The following DYRK4 variants were observed in gnomAD, a reference collection of about 807,000 sequenced individuals.
DYRK4 encodes the protein dual specificity tyrosine-phosphorylation-regulated kinase 4.
A neutral mutation model predicts 68.3 loss-of-function variants in DYRK4; 64 were observed. The observed-to-expected ratio is 0.94, with a 90% CI of 0.77 to 1.15. DYRK4 has a LOEUF of 1.15. Among genes scored for constraint, DYRK4 ranks in the 50% most tolerant of loss-of-function variants. The pLI, the probability that DYRK4 is intolerant of heterozygous loss-of-function variation, is 0.00. For missense variants in DYRK4, 740 were observed against 764.7 expected, an observed-to-expected ratio of 0.97 and a Z score of 0.38; for synonymous variants, 274 against 289.9, an observed-to-expected ratio of 0.95 and a Z score of 0.56.
intron 2 of DYRK4, among the ~76,000 whole-genome samples, chr12:4,583,964 G>C (rs1944869046): frequency 6.6e-6 from 1 of 152,246 alleles, no homozygotes; most frequent in Non-Finnish European, 1.5e-5. Flanking sequence ...GACCCAGCCA[G>C]TGGGACTGGT....
At chr12:4,604,851 G>GA (rs1945122355) in intron 10 of DYRK4, 63 bp from the exon 11 acceptor site, 1 of 1,492,268 alleles carries the variant, frequency 6.7e-7, no homozygotes, top group East Asian at 2.5e-5. Flanking sequence ...GTTGTCCTGG[G>GA]GGAGAGCGTT....
chr12:4,608,311 T>C (rs1016448018), intron 12 of DYRK4, among the ~76,000 whole-genome samples: 4 of 152,178 alleles, frequency 2.6e-5, no homozygotes, highest in Non-Finnish European at 4.4e-5. Context: ...GGTCGGTTCA[T>C]GGACTCCCTC....
At chr12:4,582,203 G>A (rs1235524133) in intron 2 of DYRK4, among the ~76,000 whole-genome samples, 1 of 152,194 alleles carries the variant, frequency 6.6e-6, no homozygotes, top group South Asian at 2.1e-4. Flanking sequence ...CAGCACTCTG[G>A]GAGGCTGAGG....
intron 1 of DYRK4, 150 bp from the exon 2 acceptor site, chr12:4,567,805 G>A (rs991845034): frequency 1.5e-6 from 1 of 646,444 alleles, no homozygotes; most frequent in Non-Finnish European, 2.6e-6. Flanking sequence ...CAGAAGGGAA[G>A]CAAGGGAGAA....
At chr12:4,567,909 G>T in intron 1 of DYRK4, 46 bp from the exon 2 acceptor site, 1 of 1,489,500 alleles carries the variant, frequency 6.7e-7, no homozygotes, top group Admixed American at 2.0e-5. Context: ...CCATTACTTA[G>T]ATTTGACTCC....
chr12:4,608,471 T>C (rs1052437571), intron 12 of DYRK4, among the ~76,000 whole-genome samples: 1 of 152,104 alleles, frequency 6.6e-6, no homozygotes, highest in African/African-American at 2.4e-5. Context: ...GGAGATCCTT[T>C]AGGATAAAAG....
intron 8 of DYRK4, among the ~76,000 whole-genome samples, chr12:4,598,130 A>T (rs1377630874): frequency 6.6e-6 from 1 of 152,006 alleles, no homozygotes; most frequent in East Asian, 1.9e-4. Flanking sequence ...TAATCTCAGC[A>T]TTTTCGGAGG....
chr12:4,599,199 C>T, intron 9 of DYRK4, 33 bp downstream of exon 9: 4 of 1,607,394 alleles, frequency 2.5e-6, no homozygotes, highest in Non-Finnish European at 3.4e-6. Context: ...CATGGACACA[C>T]TCTGGAAATA....
intron 1 of DYRK4, 128 bp downstream of exon 1, chr12:4,562,411 G>C: frequency 8.2e-7 from 1 of 1,218,066 alleles, no homozygotes; most frequent in South Asian, 1.6e-5. Context: ...GCTGACCGGG[G>C]AATGTGGGTC....
intron 2 of DYRK4, among the ~76,000 whole-genome samples, chr12:4,583,650 C>G (rs1944866117): frequency 6.6e-6 from 1 of 152,108 alleles, no homozygotes; most frequent in South Asian, 2.1e-4. Context: ...CTGCCTCGGC[C>G]TCCCAAAGTG....
rs1241360575 is a variant in DYRK4, at chr12:4,568,037, A to G, written c.121A>G (p.Thr41Ala). The G allele has an allele frequency of 1.3e-6, 2 of 1,535,966 alleles. No homozygotes were observed. The highest frequency in any genetic ancestry group is 1.7e-6 in the Non-Finnish European group (2 of 1,146,882). The change falls in exon 2 of 15, where the codon ACC becomes GCC. Residue 41 changes from threonine (T) to alanine (A), a missense_variant. This residue lies in a region of DYRK4 where 70 missense variants were observed against 71.1 expected (regional missense o/e 0.98). Coordinates refer to ENST00000543431, the MANE Select transcript of DYRK4 (RefSeq NM_001394779.1). ...VLKARKKQKF[T>A]SAKVGSKLSV... is the part of the protein sequence containing the mutation. ...GAAAGCAAGAAAGAAACAAAAGTTC[A>G]CCTCTGCGAAGGTAAAGATCCTTGA...
At chr12:4,607,592 A>G (rs1945168275) in intron 12 of DYRK4, among the ~76,000 whole-genome samples, 1 of 152,192 alleles carries the variant, frequency 6.6e-6, no homozygotes, top group Admixed American at 6.5e-5. Flanking sequence ...CAGGGTCTTG[A>G]CAGTAAAAAT....
At chr12:4,590,899 C>T (rs1181377913) in intron 4 of DYRK4, 5 of 481,196 alleles carry the variant, frequency 1.0e-5, no homozygotes, top group Non-Finnish European at 1.8e-5. Context: ...GTTCCCATCT[C>T]TTCCCATAGT....
At chr12:4,611,986 G>A (rs1857013825) in intron 13 of DYRK4, among the ~76,000 whole-genome samples, 1 of 152,158 alleles carries the variant, frequency 6.6e-6, no homozygotes, top group Admixed American at 6.5e-5. Context: ...AGTTTTTTCA[G>A]AATTGGAATA....
intron 12 of DYRK4, among the ~76,000 whole-genome samples, chr12:4,609,452 TC>T (rs974956207): frequency 6.6e-6 from 1 of 152,234 alleles, no homozygotes; most frequent in African/African-American, 2.4e-5. Flanking sequence ...TCTTGACTGT[TC>T]CTTTCCCAGG....
chr12:4,590,997 G>T, intron 4 of DYRK4, 163 bp from the exon 5 acceptor site: 3 of 789,924 alleles, frequency 3.8e-6, no homozygotes, highest in Non-Finnish European at 5.9e-6. Flanking sequence ...CTTCCTTTGG[G>T]AGAGAGGTAG....
chr12:4,600,954 G>C (rs1054131219), intron 10 of DYRK4, among the ~76,000 whole-genome samples: 1 of 152,084 alleles, frequency 6.6e-6, no homozygotes, highest in Non-Finnish European at 1.5e-5. Flanking sequence ...AGCCCACCAA[G>C]AGTCATCTCA....
intron 6 of DYRK4, 83 bp from the exon 7 acceptor site, chr12:4,596,066 G>A (rs1192738890): frequency 2.0e-6 from 3 of 1,468,276 alleles, no homozygotes; most frequent in Non-Finnish European, 2.8e-6. Flanking sequence ...GCCATAATCT[G>A]GGGATGGGAA....
chr12:4,562,299 GCTCGTACTT>G lies in DYRK4; in HGVS notation c.38+18_38+26del. On this transcript the variant is annotated intron_variant, in intron 1 of 14. Transcript: ENST00000543431. ...CCGGAACAAAGTAAGGGCCGCGGAG[GCTCGTACTT>G]CACGAGCAGTCAGGCGCGAGTACGA... 2.0e-6 allele frequency: 3 copies of G among 1,531,484 alleles called. No homozygotes were observed. Among genetic ancestry groups the G allele is most frequent in the Non-Finnish European group, 2.6e-6 (3 of 1,144,804 alleles). 94.9% of individuals were successfully genotyped at this position (1,531,484 alleles called of 1,614,324 possible).
Sources: gnomAD v4.1 joint callset for allele counts (sites outside exome capture counted in the v4.1 genomes callset) on GRCh38, gnomAD v4.1.1 for gene constraint, gnomAD v4.1.1 regional missense constraint, MANE v1.5 for transcripts, NCBI Gene and HGNC (gene_info 2026-07-23, HGNC 2026-07-21) for gene names.